The following ESR1 variants were observed in gnomAD, a reference collection of about 807,000 sequenced individuals.
The protein encoded by ESR1 is estrogen receptor.
In ESR1, 12 loss-of-function variants were observed where a neutral mutation model predicts 52.7. The ratio of observed to expected loss-of-function variants is 0.23; its 90% CI spans 0.15 to 0.37. ESR1 has a LOEUF of 0.37. ESR1 is among the 10% of genes least tolerant of loss of function. The pLI, the probability that ESR1 is intolerant of heterozygous loss-of-function variation, is 1.00. For missense variants in ESR1, 584 were observed against 779.7 expected (o/e 0.75, Z 2.99); for synonymous variants, 305 against 316.8 (o/e 0.96, Z 0.39).
intron 2 of ESR1, among the ~76,000 whole-genome samples, chr6:151,765,574 A>G (rs1784985788): frequency 6.6e-6 from 1 of 152,144 alleles, no homozygotes; most frequent in Admixed American, 6.5e-5. Context: ...AAACCTTAAG[A>G]TCCAGTAGGT....
chr6:151,902,491 A>T (rs1269015442), intron 3 of ESR1, among the ~76,000 whole-genome samples: 2 of 152,230 alleles, frequency 1.3e-5, no homozygotes, highest in Non-Finnish European at 2.9e-5. Flanking sequence ...CAAAGACATG[A>T]ACTCTATTTT....
intron 2 of ESR1, among the ~76,000 whole-genome samples, chr6:151,783,215 T>G (rs1374117414): frequency 6.6e-6 from 1 of 152,212 alleles, no homozygotes; most frequent in Non-Finnish European, 1.5e-5. Context: ...TTTTACACAG[T>G]GTCTATGTGT....
intron 6 of ESR1, among the ~76,000 whole-genome samples, chr6:152,109,641 G>T (rs2051108042): frequency 6.6e-6 from 1 of 152,190 alleles, no homozygotes; most frequent in African/African-American, 2.4e-5. Context: ...AGCCGAGATT[G>T]TGCCATTGCA....
intron 3 of ESR1, among the ~76,000 whole-genome samples, chr6:151,918,750 C>T (rs2030933178): frequency 6.6e-6 from 1 of 152,166 alleles, no homozygotes; most frequent in Non-Finnish European, 1.5e-5. Context: ...TAACCTCCTT[C>T]TCACTATTAA....
intron 5 of ESR1, among the ~76,000 whole-genome samples, chr6:152,057,974 G>T (rs1459169408): frequency 6.6e-6 from 1 of 152,140 alleles, no homozygotes; most frequent in Non-Finnish European, 1.5e-5. Context: ...GAATTGTTAA[G>T]TCTCCACTTT....
At chr6:151,823,413 A>G (rs907308844) in intron 1 of ESR1, among the ~76,000 whole-genome samples, 1 of 152,242 alleles carries the variant, frequency 6.6e-6, no homozygotes, top group African/African-American at 2.4e-5. Flanking sequence ...TGCTAATTGT[A>G]AAGAAGGATA....
At position 151,698,532 on chromosome 6, in the gene ESR1, C is replaced by G. The variant is rs851986; in HGVS notation, c.-201-3343C>G. On this transcript the variant is annotated intron_variant, in intron 1 of 2. Coordinates refer to the ESR1 transcript ENST00000404742. ...ATCTCTCCTGCAGTTGCCTAAAATG[C>G]TTTACAGTTATGGGAATGGAAAAGC... 3.2e-3 allele frequency among the ~76,000 whole-genome samples: 493 copies of G among 152,232 alleles called. 6 individuals carry two copies. The highest frequency in any genetic ancestry group is 5.5e-3 in the Non-Finnish European group (377 of 68,028).
Position 151,980,487 on chromosome 6 carries a change from G to A in ESR1, c.1097-31169G>A, listed in dbSNP as rs569230511. Among the ~76,000 whole-genome samples the A allele has an allele frequency of 5.4e-5, 8 of 149,118 alleles. No homozygotes were observed. In the South Asian group the frequency reaches 1.7e-3, roughly 31 times the overall value. On this transcript the variant is annotated intron_variant, in intron 4 of 7. Transcript: ENST00000206249. ...TTTTCCTAAATAGGAGGCATTTTTT[G>A]TTTGTTTGTTTGAACAAAAATCAAA...
chr6:151,908,842 C>T (rs914272511), intron 3 of ESR1, among the ~76,000 whole-genome samples: 4 of 151,092 alleles, frequency 2.6e-5, no homozygotes, highest in African/African-American at 9.7e-5. Context: ...AAGGCCACAA[C>T]TGGCAGAGAT....
chr6:151,977,506 A>T (rs998542404), intron 4 of ESR1, among the ~76,000 whole-genome samples: 3 of 151,308 alleles, frequency 2.0e-5, no homozygotes, highest in Non-Finnish European at 2.9e-5. Context: ...GTCAATAGTG[A>T]CTGCAAAGCC....
At chr6:152,002,749 C>A (rs1305705189) in intron 4 of ESR1, among the ~76,000 whole-genome samples, 1 of 151,578 alleles carries the variant, frequency 6.6e-6, no homozygotes, top group African/African-American at 2.4e-5. Context: ...TCTTTCTGAG[C>A]GTGTAAGGAA....
At chr6:151,675,296 C>T (rs1778213247) in intron 1 of ESR1, among the ~76,000 whole-genome samples, 1 of 152,120 alleles carries the variant, frequency 6.6e-6, no homozygotes, top group Non-Finnish European at 1.5e-5. Context: ...TAGCCAGAGG[C>T]TTGTGGTGGA....
intron 6 of ESR1, among the ~76,000 whole-genome samples, chr6:152,079,262 C>T (rs572193102): frequency 1.3e-5 from 2 of 152,220 alleles, no homozygotes; most frequent in South Asian, 4.2e-4. Flanking sequence ...CAGGCAGGTG[C>T]CCTCTGGGAC....
chr6:152,035,789 A>G (rs1584936228), intron 5 of ESR1, among the ~76,000 whole-genome samples: 1 of 152,344 alleles, frequency 6.6e-6, no homozygotes, highest in African/African-American at 2.4e-5. Flanking sequence ...CCTATATCAG[A>G]ACGAGCATTG....
chr6:151,826,428 G>C (rs963053612), intron 1 of ESR1, among the ~76,000 whole-genome samples: 10 of 152,298 alleles, frequency 6.6e-5, no homozygotes, highest in Admixed American at 6.5e-4. Flanking sequence ...TTCCAATGCA[G>C]AGGCTAGAAT....
At chr6:151,741,689 C>A (rs1783107461) in intron 2 of ESR1, among the ~76,000 whole-genome samples, 2 of 151,972 alleles carry the variant, frequency 1.3e-5, no homozygotes, top group Non-Finnish European at 2.9e-5. Context: ...ATTGTGTATA[C>A]TTAAGGTGTA....
intron 2 of ESR1, among the ~76,000 whole-genome samples, chr6:151,775,450 G>A (rs1291409052): frequency 6.6e-6 from 1 of 151,964 alleles, no homozygotes; most frequent in Non-Finnish European, 1.5e-5. Flanking sequence ...CTGTACTAGC[G>A]TGTTAAAACA....
chr6:151,715,388 G>C (rs1041220369), intron 2 of ESR1, among the ~76,000 whole-genome samples: 4 of 152,190 alleles, frequency 2.6e-5, no homozygotes, highest in African/African-American at 7.2e-5. Flanking sequence ...GGCCTGTCTT[G>C]CTAGGTTGGG....
intron 3 of ESR1, among the ~76,000 whole-genome samples, chr6:151,939,525 A>C: frequency 6.6e-6 from 1 of 152,210 alleles, no homozygotes; most frequent in African/African-American, 2.4e-5. Context: ...ATAGTGACAC[A>C]GGCTGTTATT....
Sources: allele counts gnomAD v4.1 joint callset (sites outside exome capture counted in the v4.1 genomes callset), GRCh38; gene constraint gnomAD v4.1.1; transcripts MANE v1.5; gene names NCBI Gene and HGNC (gene_info 2026-07-23, HGNC 2026-07-21).